CDK12: variants seen among roughly 807,000 people sequenced by gnomAD.
CDK12 encodes cyclin dependent kinase 12.
CDK12 carries 17 observed loss-of-function variants against 133.8 expected under a neutral mutation model. The ratio of observed to expected loss-of-function variants is 0.13; its 90% CI spans 0.09 to 0.19. The LOEUF is 0.19. Among genes scored for constraint, CDK12 ranks in the 10% least tolerant of loss-of-function variants. CDK12 has a pLI of 1.00. For synonymous variants in CDK12, 694 were observed against 683.6 expected (o/e 1.02, Z -0.24); for missense variants, 1,508 against 1,818.7 (o/e 0.83, Z 3.11).
chr17:39,509,349 G>A (rs2053339004), intron 6 of CDK12, among the ~76,000 whole-genome samples: 2 of 152,066 alleles, frequency 1.3e-5, no homozygotes, highest in Non-Finnish European at 2.9e-5. Flanking sequence ...CCAACAATAA[G>A]TATTTAATCT....
upstream of CDK12, among the ~76,000 whole-genome samples, chr17:39,544,625 C>CT (rs71147355): frequency 9.3e-3 from 563 of 60,858 alleles, 10 homozygotes; most frequent in African/African-American, 0.014. Context: ...AACAGGCGAT[C>CT]TTTTTTTTTT....
At chr17:39,493,294 C>T (rs927358809) in intron 4 of CDK12, among the ~76,000 whole-genome samples, 21 of 151,236 alleles carry the variant, frequency 1.4e-4, no homozygotes, top group African/African-American at 4.6e-4. Context: ...TGAGCCACGG[C>T]GCCAGGCCTT....
chr17:39,544,682 T>G (rs2143936240), upstream of CDK12, among the ~76,000 whole-genome samples: 1 of 137,922 alleles, frequency 7.3e-6, no homozygotes. Context: ...CAGGCCGGAG[T>G]GCAGTGGCAT....
At chr17:39,466,191 C>G (rs1215523860) in intron 1 of CDK12, among the ~76,000 whole-genome samples, 2 of 151,576 alleles carry the variant, frequency 1.3e-5, no homozygotes, top group African/African-American at 4.9e-5. Context: ...ACCTATAATC[C>G]CAGCTACTCG....
chr17:39,517,335 A>C (rs1345455602), intron 9 of CDK12, 105 bp from the exon 10 acceptor site: 5 of 696,014 alleles, frequency 7.2e-6, no homozygotes, highest in Non-Finnish European at 1.3e-5. Context: ...TAATAACCAA[A>C]GATTCCCCAG....
chr17:39,517,660 A>T, intron 10 of CDK12, 104 bp downstream of exon 10: 1 of 678,946 alleles, frequency 1.5e-6, no homozygotes. Flanking sequence ...TTATCATGGC[A>T]ACACAGTGTA....
chr17:39,537,545 TTTTATTTA>T (rs370963468), downstream of CDK12, among the ~76,000 whole-genome samples: 4,604 of 142,524 alleles, frequency 0.032, 195 homozygotes, highest in East Asian at 0.17. Context: ...AATTCCTTAT[TTTTATTTA>T]TTTATTTATT....
chr17:39,477,321 C>A (rs896828066), intron 2 of CDK12, among the ~76,000 whole-genome samples: 1 of 152,102 alleles, frequency 6.6e-6, no homozygotes, highest in Non-Finnish European at 1.5e-5. Flanking sequence ...CCACAACCTC[C>A]ACCTCCTGGG....
intron 2 of CDK12, among the ~76,000 whole-genome samples, chr17:39,485,126 C>T (rs552275597): frequency 3.3e-4 from 49 of 147,756 alleles, no homozygotes; most frequent in Middle Eastern, 6.9e-3. Context: ...GCTGAGATCG[C>T]GCCACTGCAG....
intron 5 of CDK12, among the ~76,000 whole-genome samples, chr17:39,497,824 C>T (rs1187341156): frequency 2.6e-5 from 4 of 151,960 alleles, no homozygotes; most frequent in Admixed American, 1.3e-4. Context: ...AGGCTGGTCT[C>T]TAACTCCTGG....
rs149284624 is a variant in CDK12 at position 39,531,164 on chromosome 17, G to A, written c.4321G>A (p.Gly1441Arg). Residue 1441 changes from glycine (G) to arginine (R), a missense_variant, in exon 14 of 14, where the codon GGG becomes AGG. Around this residue, in one of 9 missense-constraint regions of CDK12, gnomAD observed 114 missense variants for 101.2 expected, o/e 1.13. Transcript: ENST00000447079. ...VHAETKLQNY[G>R]ELGPGTTGAS... ...TGCAGAGACCAAATTGCAAAACTAT[G>A]GGGAGCTGGGGCCAGGAACCACTGG... 108 of 1,525,814 alleles carry A rather than the reference G, an allele frequency of 7.1e-5. No individual in the cohort carries two copies. Among genetic ancestry groups the A allele is most frequent in the Non-Finnish European group, 9.3e-5 (106 of 1,138,086 alleles). The allele number at this position is 1,525,814 out of a possible 1,614,324, so 94.5% of individuals were successfully genotyped here.
chr17:39,534,884 C>G (rs2055060868), downstream of CDK12: 1 of 152,980 alleles, frequency 6.5e-6, no homozygotes, highest in Non-Finnish European at 1.5e-5. Flanking sequence ...GGTTTGAGCT[C>G]AACTGTCATC....
intron 6 of CDK12, among the ~76,000 whole-genome samples, chr17:39,501,994 G>A (rs1169860826): frequency 6.6e-6 from 1 of 151,178 alleles, no homozygotes; most frequent in African/African-American, 2.4e-5. Flanking sequence ...ATAGGCGCCC[G>A]GCACCATGCT....
downstream of CDK12, among the ~76,000 whole-genome samples, chr17:39,537,720 G>A (rs2055203793): frequency 6.6e-6 from 1 of 151,780 alleles, no homozygotes. Context: ...GTGCCACCAT[G>A]CCCAGCTAAT....
chr17:39,515,965 G>C (rs8071275), intron 9 of CDK12, among the ~76,000 whole-genome samples, 157 bp downstream of exon 9: 2 of 152,070 alleles, frequency 1.3e-5, no homozygotes, highest in Non-Finnish European at 2.9e-5. Context: ...TTTGTCATAG[G>C]CTATACATAT....
intron 4 of CDK12, among the ~76,000 whole-genome samples, chr17:39,493,279 A>G (rs1005091885): frequency 1.3e-5 from 2 of 150,664 alleles, no homozygotes; most frequent in Non-Finnish European, 2.9e-5. Flanking sequence ...CTGGGATTAT[A>G]GATGTGAGCC....
intron 9 of CDK12, among the ~76,000 whole-genome samples, chr17:39,516,578 C>G (rs945726775): frequency 1.3e-5 from 2 of 151,512 alleles, no homozygotes; most frequent in African/African-American, 4.9e-5. Context: ...GCTGGAACTC[C>G]TGGGCTCAAA....
intron 5 of CDK12, among the ~76,000 whole-genome samples, chr17:39,494,918 C>T (rs1408134850): frequency 4.0e-5 from 6 of 151,828 alleles, no homozygotes; most frequent in East Asian, 1.9e-4. Context: ...TACAGGCGCC[C>T]GCCACCACAC....
intron 3 of CDK12, among the ~76,000 whole-genome samples, chr17:39,560,077 A>G (rs80041481): frequency 0.012 from 1,784 of 152,308 alleles, 18 homozygotes; most frequent in Middle Eastern, 0.02. Flanking sequence ...GACTACAGGC[A>G]TGAGCCACTG....
Sources: allele counts gnomAD v4.1 joint callset (sites outside exome capture counted in the v4.1 genomes callset), GRCh38; gene constraint gnomAD v4.1.1; regional missense constraint gnomAD v4.1.1; transcripts MANE v1.5; gene names NCBI Gene and HGNC (gene_info 2026-07-23, HGNC 2026-07-21).